The following BICC1 variants were observed in gnomAD, a reference collection of about 807,000 sequenced individuals.
BICC1 encodes BicC family RNA binding protein 1.
BICC1 carries 43 observed loss-of-function variants against 111.0 expected under a neutral mutation model. The ratio of observed to expected loss-of-function variants is 0.39; its 90% CI spans 0.30 to 0.50. BICC1 has a LOEUF of 0.50. BICC1 is among the 20% of genes least tolerant of loss of function. BICC1 has a pLI of 0.88. For synonymous variants in BICC1, 467 were observed against 434.4 expected, an observed-to-expected ratio of 1.07 and a Z score of -0.93; for missense variants, 1,091 against 1,203.2, an observed-to-expected ratio of 0.91 and a Z score of 1.38.
rs752442170 is a variant in BICC1 at position 58,798,578 on chromosome 10, A to G, written c.1528+18A>G. ...TGCCACAGGTCAGTATCATTTAAGT[A>G]TATTCCAAGTTGTGTATTCTTAGGT... is the stretch of plus-strand genomic sequence containing the variant. On this transcript the variant is annotated intron_variant, in intron 11 of 20. Transcript: ENST00000373886. 13 of 1,563,804 alleles carry G rather than the reference A, an allele frequency of 8.3e-6. No individual in the cohort carries two copies. The highest frequency in any genetic ancestry group is 1.4e-5 in the African/African-American group (1 of 72,222).
intron 1 of BICC1, among the ~76,000 whole-genome samples, chr10:58,527,135 T>C (rs1307728098): frequency 6.6e-6 from 1 of 152,206 alleles, no homozygotes; most frequent in African/African-American, 2.4e-5. Context: ...TGGTGTGAGA[T>C]GGTATCTCAT....
intron 1 of BICC1, among the ~76,000 whole-genome samples, chr10:58,515,529 A>G (rs1842220165): frequency 6.6e-6 from 1 of 152,234 alleles, no homozygotes; most frequent in African/African-American, 2.4e-5. Context: ...TTGGAAAGGT[A>G]ATGTGTTATG....
intron 3 of BICC1, among the ~76,000 whole-genome samples, chr10:58,757,396 T>C (rs1842177037): frequency 6.6e-6 from 1 of 152,206 alleles, no homozygotes; most frequent in South Asian, 2.1e-4. Context: ...ACTATTATCA[T>C]GTTTCTATGT....
intron 2 of BICC1, among the ~76,000 whole-genome samples, chr10:58,696,140 T>C (rs913211795): frequency 6.6e-6 from 1 of 152,228 alleles, no homozygotes; most frequent in Non-Finnish European, 1.5e-5. Context: ...TGCAATTTTA[T>C]ATTTATTTGG....
chr10:58,758,439 G>C (rs1368087742), intron 3 of BICC1, among the ~76,000 whole-genome samples: 1 of 152,166 alleles, frequency 6.6e-6, no homozygotes, highest in Non-Finnish European at 1.5e-5. Context: ...TTAAATCACT[G>C]CCATGAGTAT....
chr10:58,647,387 T>G (rs1411057047), intron 2 of BICC1, among the ~76,000 whole-genome samples: 1 of 152,206 alleles, frequency 6.6e-6, no homozygotes, highest in African/African-American at 2.4e-5. Context: ...TCAAAATAAC[T>G]TCGCTGCTTT....
chr10:58,733,597 T>C (rs750796965), intron 3 of BICC1, among the ~76,000 whole-genome samples: 1 of 152,240 alleles, frequency 6.6e-6, no homozygotes, highest in Non-Finnish European at 1.5e-5. Flanking sequence ...ACCAGTGCCA[T>C]CTGCTCAAGC....
intron 1 of BICC1, among the ~76,000 whole-genome samples, chr10:58,605,893 T>C (rs1025659157): frequency 3.3e-5 from 5 of 152,214 alleles, no homozygotes; most frequent in African/African-American, 1.2e-4. Flanking sequence ...TTCTTTTCCT[T>C]TTTTTGTCAG....
At chr10:58,614,906 C>G (rs1845549719) in intron 1 of BICC1, among the ~76,000 whole-genome samples, 1 of 152,088 alleles carries the variant, frequency 6.6e-6, no homozygotes, top group Admixed American at 6.6e-5. Context: ...ATATTTGATT[C>G]TAAAAATTTC....
intron 3 of BICC1, among the ~76,000 whole-genome samples, chr10:58,781,358 CA>C (rs1190506905): frequency 6.6e-6 from 1 of 152,162 alleles, no homozygotes; most frequent in Non-Finnish European, 1.5e-5. Context: ...GTTCATTCAG[CA>C]ACAGCTTATT....
In BICC1 at chr10:58,530,684, CAAAAAA is replaced by C. The variant is rs67946394; in HGVS notation, c.190+17363_190+17368del. Among the ~76,000 whole-genome samples, 442 of 86,536 alleles carry C rather than the reference CAAAAAA, an allele frequency of 5.1e-3. 5 individuals carry two copies. Among genetic ancestry groups the C allele is most frequent in the African/African-American group, 0.017 (427 of 25,206 alleles). 56.8% of individuals were successfully genotyped at this position (86,536 alleles called of 152,430 possible). A position where few individuals can be genotyped will look rare whatever the true frequency, so the allele number is the denominator to read the frequency against. Reference sequence around the variant, plus strand: ...ACAATGTCTTTATATACTTTAAATGCAAAAAAAAAAAAAAAAAGAAAATCAGAAAGG... The same window carrying C: ...ACAATGTCTTTATATACTTTAAATGCAAAAAAAAAAAGAAAATCAGAAAGG... On this transcript the variant is annotated intron_variant, in intron 1 of 20. Coordinates refer to ENST00000373886, the MANE Select transcript of BICC1 (RefSeq NM_001080512.3).
chr10:58,678,425 C>T (rs1192709230), intron 2 of BICC1, among the ~76,000 whole-genome samples: 2 of 151,974 alleles, frequency 1.3e-5, no homozygotes, highest in Non-Finnish European at 2.9e-5. Context: ...GACTTTAAAC[C>T]AACAAAGATC....
chr10:58,688,442 C>A (rs1162830990), intron 2 of BICC1, among the ~76,000 whole-genome samples: 2 of 152,154 alleles, frequency 1.3e-5, no homozygotes, highest in Non-Finnish European at 2.9e-5. Context: ...CGTTTACAAT[C>A]TTCCAGCTAG....
In BICC1 at chr10:58,529,662, AT is replaced by A. The variant is rs557220250; in HGVS notation, c.190+16337del. ...ACATGTTTATTTTAATCTGGGGGGA[AT>A]TTTTTTTAATTAGAACTTTTTATAT... On this transcript the variant is annotated intron_variant, in intron 1 of 20. Transcript: ENST00000373886. Among the ~76,000 whole-genome samples, 6 of 151,734 alleles carry A rather than the reference AT, an allele frequency of 4.0e-5. No individual in the cohort carries two copies. In the East Asian group the frequency reaches 7.8e-4, roughly 20 times the overall value.
intron 14 of BICC1, 26 bp downstream of exon 14, chr10:58,801,072 C>T: frequency 1.3e-6 from 2 of 1,539,390 alleles, no homozygotes; most frequent in South Asian, 1.3e-5. Flanking sequence ...TTTAAAGAGC[C>T]CTTGATATTT....
At chr10:58,820,528 G>T in intron 20 of BICC1, 60 bp downstream of exon 20, 1 of 1,262,466 alleles carries the variant, frequency 7.9e-7, no homozygotes, top group Non-Finnish European at 1.1e-6. Context: ...AGTGGTCTCA[G>T]CCATTGGGTT....
chr10:58,825,803 T>A (rs780089403), intron 20 of BICC1, among the ~76,000 whole-genome samples: 91 of 152,142 alleles, frequency 6.0e-4, no homozygotes, highest in Non-Finnish European at 1.0e-3. Context: ...TTCATTGTGT[T>A]TAGTACAATA....
At chr10:58,513,822 G>A (rs2132485036) in intron 1 of BICC1, among the ~76,000 whole-genome samples, 1 of 152,330 alleles carries the variant, frequency 6.6e-6, no homozygotes, top group East Asian at 1.9e-4. Flanking sequence ...ACGCTCTGCA[G>A]ATGTCAAGGC....
At chr10:58,651,964 A>G (rs927150799) in intron 2 of BICC1, among the ~76,000 whole-genome samples, 3 of 152,162 alleles carry the variant, frequency 2.0e-5, no homozygotes, top group African/African-American at 7.2e-5. Flanking sequence ...CCTTGTTGGT[A>G]TTAAAATTTA....
Sources: allele counts gnomAD v4.1 joint callset (sites outside exome capture counted in the v4.1 genomes callset), GRCh38; gene constraint gnomAD v4.1.1; transcripts MANE v1.5; gene names NCBI Gene and HGNC (gene_info 2026-07-23, HGNC 2026-07-21).